The following MYO9A variants were observed in gnomAD, a reference collection of about 807,000 sequenced individuals.
The protein encoded by MYO9A is myosin IXA, also known as unconventional myosin-IXa.
In MYO9A, 103 loss-of-function variants were observed where a neutral mutation model predicts 293.3. That is an observed-to-expected ratio of 0.35 (90% CI 0.30 to 0.41). MYO9A has a LOEUF of 0.41. Ranked by LOEUF, MYO9A falls within the 10% of genes least tolerant of loss-of-function variation. MYO9A has a pLI of 1.00. For synonymous variants in MYO9A, 1,001 were observed against 1,035.7 expected (o/e 0.97, Z 0.64); for missense variants, 2,685 against 3,033.0 (o/e 0.89, Z 2.69).
In MYO9A at chr15:71,826,386, G is replaced by A. The variant is rs1595971970; in HGVS notation, c.*194C>T. The stretch of plus-strand genomic sequence containing the variant: ...CAAATACAACAGCCAAGGCACAGCT[G>A]GCACCATCCCCAGCAGGCTTTCTGC... On this transcript the variant is annotated 3_prime_UTR_variant, in exon 42 of 42. Coordinates refer to ENST00000356056, the MANE Select transcript of MYO9A (RefSeq NM_006901.4). The A allele has an allele frequency of 3.5e-6, 2 of 570,740 alleles. No homozygotes were observed. Among genetic ancestry groups the A allele is most frequent in the Non-Finnish European group, 3.0e-6 (1 of 336,186 alleles). 35.4% of individuals were successfully genotyped at this position (570,740 alleles called of 1,614,324 possible). A position where few individuals can be genotyped will look rare whatever the true frequency, so the allele number is the denominator to read the frequency against.
intron 18 of MYO9A, among the ~76,000 whole-genome samples, chr15:71,919,735 G>A (rs1309593391): frequency 1.3e-5 from 2 of 151,126 alleles, no homozygotes; most frequent in Admixed American, 6.6e-5. Flanking sequence ...CCAGCTACTC[G>A]GGAGGCTGAG....
chr15:72,109,237 A>T (rs905310034), intron 1 of MYO9A, among the ~76,000 whole-genome samples: 1 of 152,000 alleles, frequency 6.6e-6, no homozygotes, highest in African/African-American at 2.4e-5. Flanking sequence ...AAAAATATAA[A>T]AAATTAGCCA....
At chr15:71,921,505 T>G (rs1338941251) in intron 18 of MYO9A, among the ~76,000 whole-genome samples, 1 of 152,190 alleles carries the variant, frequency 6.6e-6, no homozygotes, top group Admixed American at 6.5e-5. Context: ...CCTACCTAAC[T>G]CATCCCTACT....
At chr15:71,956,330 A>AAAAAAAAAAAATATATAT (rs10642655) in intron 14 of MYO9A, among the ~76,000 whole-genome samples, 1 of 75,582 alleles carries the variant, frequency 1.3e-5, no homozygotes, top group African/African-American at 6.0e-5. Flanking sequence ...AAAAAAAAAA[A>AAAAAAAAAAAATATATAT]ATATATATAT....
intron 1 of MYO9A, among the ~76,000 whole-genome samples, chr15:72,091,907 G>A (rs551599726): frequency 2.6e-4 from 40 of 151,972 alleles, no homozygotes; most frequent in African/African-American, 9.4e-4. Flanking sequence ...TAGTAGAGAC[G>A]GGGTTTCACT....
intron 4 of MYO9A, among the ~76,000 whole-genome samples, chr15:72,025,134 A>G (rs1294973275): frequency 6.6e-6 from 1 of 152,016 alleles, no homozygotes; most frequent in Non-Finnish European, 1.5e-5. Context: ...AAAAAGATGG[A>G]AAAAAAAGTT....
intron 8 of MYO9A, among the ~76,000 whole-genome samples, chr15:72,003,754 C>G (rs1264638417): frequency 6.6e-6 from 1 of 150,910 alleles, no homozygotes; most frequent in Non-Finnish European, 1.5e-5. Flanking sequence ...TCTAAATATC[C>G]AATACATCAT....
intron 26 of MYO9A, chr15:71,892,390 G>A (rs1018823709): frequency 6.6e-6 from 1 of 152,154 alleles, no homozygotes; most frequent in African/African-American, 2.4e-5. Context: ...GAGGAAGAAA[G>A]TTTACAGGCA....
intron 11 of MYO9A, among the ~76,000 whole-genome samples, chr15:71,990,297 C>T (rs1031020509): frequency 6.6e-6 from 1 of 151,880 alleles, no homozygotes; most frequent in Non-Finnish European, 1.5e-5. Context: ...GCTGCCCAGG[C>T]TGGTCTCTAA....
intron 1 of MYO9A, among the ~76,000 whole-genome samples, chr15:72,105,502 CTTTTTTTTTT>C (rs35861022): frequency 1.1e-5 from 1 of 89,270 alleles, no homozygotes; most frequent in Non-Finnish European, 2.1e-5. Context: ...GCTGGGAAAG[CTTTTTTTTTT>C]TTTTTTTTTT....
At chr15:72,107,125 A>C (rs1386198280) in intron 1 of MYO9A, among the ~76,000 whole-genome samples, 3 of 152,234 alleles carry the variant, frequency 2.0e-5, no homozygotes, top group Admixed American at 2.0e-4. Flanking sequence ...GAAGAGAAGG[A>C]AGAAACCCAT....
At position 71,881,254 on chromosome 15, in the gene MYO9A, G is replaced by C. The variant is rs570644422; in HGVS notation, c.5399-696C>G. On this transcript the variant is annotated intron_variant, in intron 28 of 41. Coordinates refer to ENST00000356056, the MANE Select transcript of MYO9A (RefSeq NM_006901.4). The stretch of plus-strand genomic sequence containing the variant: ...ATTCTATGTAGCCCATTACAACTTA[G>C]AACTAGACCAGATTTGCCAAACCCT... 4.6e-5 allele frequency among the ~76,000 whole-genome samples: 7 copies of C among 152,032 alleles called. No individual in the cohort carries two copies. The South Asian group carries it at 1.5e-3, about 32-fold the overall frequency.
At chr15:71,884,839 G>A (rs797019162) in intron 27 of MYO9A, among the ~76,000 whole-genome samples, 6 of 151,964 alleles carry the variant, frequency 3.9e-5, no homozygotes, top group African/African-American at 1.4e-4. Flanking sequence ...CACAACTACT[G>A]TGATAAACAG....
At chr15:71,929,092 A>G (rs142923924) in intron 18 of MYO9A, among the ~76,000 whole-genome samples, 4 of 151,844 alleles carry the variant, frequency 2.6e-5, no homozygotes, top group African/African-American at 9.6e-5. Context: ...AAAAAAAGCA[A>G]GAAACACTGC....
At chr15:71,873,681 A>C (rs1329458283) in intron 32 of MYO9A, among the ~76,000 whole-genome samples, 1 of 152,226 alleles carries the variant, frequency 6.6e-6, no homozygotes, top group Non-Finnish European at 1.5e-5. Context: ...TTGACTGCTA[A>C]TAAACATTTA....
intron 6 of MYO9A, 112 bp from the exon 7 acceptor site, chr15:72,010,559 T>TAG: frequency 2.5e-6 from 2 of 812,982 alleles, no homozygotes; most frequent in Non-Finnish European, 3.9e-6. Context: ...AAATGCAAAT[T>TAG]AGAGCTGGTA....
intron 12 of MYO9A, among the ~76,000 whole-genome samples, chr15:71,970,406 G>T (rs1390345128): frequency 6.6e-6 from 1 of 152,082 alleles, no homozygotes; most frequent in Non-Finnish European, 1.5e-5. Context: ...CAAACACACT[G>T]CATGAAGAAC....
At chr15:72,021,505 G>A (rs1464548820) in intron 4 of MYO9A, among the ~76,000 whole-genome samples, 1 of 152,194 alleles carries the variant, frequency 6.6e-6, no homozygotes, top group African/African-American at 2.4e-5. Flanking sequence ...CAGAGTTTGA[G>A]CTTGTTCAAA....
At chr15:71,860,993 A>AAAAAAAAAAAAAAAAAAAAAAAAAAAC (rs2056098387) in intron 33 of MYO9A, among the ~76,000 whole-genome samples, 1 of 150,234 alleles carries the variant, frequency 6.7e-6, no homozygotes, top group Non-Finnish European at 1.5e-5. Context: ...AAAAAAAAAA[A>AAAAAAAAAAAAAAAAAAAAAAAAAAAC]ATCAAACCAG....
Sources: gnomAD v4.1 joint callset for allele counts (sites outside exome capture counted in the v4.1 genomes callset) on GRCh38, gnomAD v4.1.1 for gene constraint, MANE v1.5 for transcripts, NCBI Gene and HGNC (gene_info 2026-07-23, HGNC 2026-07-21) for gene names.